Variants in TENM3 observed in about 807,000 individuals in gnomAD.
The protein encoded by TENM3 is teneurin transmembrane protein 3, also known as teneurin-3.
Under a neutral mutation model 255.1 loss-of-function variants are expected in TENM3, and 63 were observed. The ratio of observed to expected loss-of-function variants is 0.25; its 90% confidence interval spans 0.20 to 0.30. The LOEUF is 0.30. Ranked by LOEUF, TENM3 falls within the 10% of genes least tolerant of loss-of-function variation. The probability of loss-of-function intolerance (pLI) is 1.00; values close to 1 mark genes in which losing one functional copy is unlikely to be tolerated. For missense variants in TENM3, 2,929 were observed against 3,461.1 expected (o/e 0.85, Z 3.86); for synonymous variants, 1,306 against 1,322.3 (o/e 0.99, Z 0.27).
At chr4:182,133,387 T>G in the TENM3 span, among the ~76,000 whole-genome samples, 2 of 152,236 alleles carry the variant, frequency 1.3e-5, no homozygotes, top group Admixed American at 6.5e-5. Context: ...TCATTTTTTT[T>G]GATATATTTA....
rs188328080 is a variant in TENM3 at position 182,323,885 on chromosome 4, A to G, written c.-75-61A>G. ...TACCATCCCAGATTGAGAAGGGTAG[A>G]GAGTAGCCAGTTTTTAGGTGAACGT... is the stretch of plus-strand genomic sequence containing the variant. On this transcript the variant is annotated intron_variant, in intron 1 of 27. Coordinates refer to ENST00000511685, the MANE Select transcript of TENM3 (RefSeq NM_001080477.4). The G allele has an allele frequency of 2.6e-4, 176 of 680,084 alleles. 1 individual carries two copies. In the African/African-American group the frequency reaches 2.6e-3, roughly 10 times the overall value. 42.1% of individuals were successfully genotyped at this position (680,084 alleles called of 1,614,324 possible).
the TENM3 span, among the ~76,000 whole-genome samples, chr4:182,056,495 C>T: frequency 6.6e-6 from 1 of 152,276 alleles, no homozygotes; most frequent in African/African-American, 2.4e-5. Context: ...TGGTGTCCTT[C>T]TCATCTACCC....
intron 1 of TENM3, among the ~76,000 whole-genome samples, chr4:182,289,066 A>G (rs190429210): frequency 6.6e-6 from 1 of 152,082 alleles, no homozygotes; most frequent in East Asian, 1.9e-4. Flanking sequence ...CTTGGCAAAA[A>G]AAAAAATTTA....
the TENM3 span, among the ~76,000 whole-genome samples, chr4:181,805,535 T>C: frequency 1.3e-5 from 2 of 152,074 alleles, no homozygotes; most frequent in Admixed American, 1.3e-4. Context: ...GAGGTTCTGT[T>C]CAGAGTTTCT....
chr4:182,714,065 T>A, intron 12 of TENM3, 22 bp from the exon 13 acceptor site: 7 of 1,610,342 alleles, frequency 4.3e-6, no homozygotes, highest in Non-Finnish European at 5.9e-6. Context: ...ATCACTGGTG[T>A]TTTCCTTCTT....
At chr4:182,265,687 A>C (rs765745339) in intron 1 of TENM3, among the ~76,000 whole-genome samples, 4 of 152,180 alleles carry the variant, frequency 2.6e-5, no homozygotes, top group Non-Finnish European at 5.9e-5. Context: ...AACATCTTAC[A>C]ACTATTGTAA....
At chr4:181,556,892 A>G in the TENM3 span, among the ~76,000 whole-genome samples, 1 of 152,206 alleles carries the variant, frequency 6.6e-6, no homozygotes, top group African/African-American at 2.4e-5. Context: ...GTAATGAGAA[A>G]ACGTAACGGT....
chr4:182,467,467 G>A (rs1232575812), intron 3 of TENM3, among the ~76,000 whole-genome samples: 1 of 152,148 alleles, frequency 6.6e-6, no homozygotes, highest in African/African-American at 2.4e-5. Context: ...GTATTTATCT[G>A]TAAGAATGAA....
At chr4:182,782,531 G>C (rs1297067178) in intron 24 of TENM3, among the ~76,000 whole-genome samples, 1 of 96,090 alleles carries the variant, frequency 1.0e-5, no homozygotes, top group Non-Finnish European at 1.9e-5. Flanking sequence ...TGTATATTCT[G>C]TTGATTTGGG....
chr4:182,596,018 T>G (rs1269022245), intron 3 of TENM3, among the ~76,000 whole-genome samples: 1 of 152,094 alleles, frequency 6.6e-6, no homozygotes, highest in African/African-American at 2.4e-5. Context: ...AGTGGCATGG[T>G]TCCTTGCTTG....
chr4:182,247,675 T>G (rs986480937), intron 1 of TENM3, among the ~76,000 whole-genome samples: 1 of 152,204 alleles, frequency 6.6e-6, no homozygotes, highest in East Asian at 1.9e-4. Context: ...TTTACTGAAA[T>G]GACAAATAAG....
intron 1 of TENM3, among the ~76,000 whole-genome samples, chr4:182,229,370 A>G (rs901126863): frequency 2.6e-5 from 4 of 152,188 alleles, no homozygotes; most frequent in Admixed American, 6.5e-5. Context: ...TTGCTCATCT[A>G]TAAGCAGAGT....
At chr4:181,917,219 A>T in the TENM3 span, among the ~76,000 whole-genome samples, 1 of 152,218 alleles carries the variant, frequency 6.6e-6, no homozygotes, top group Non-Finnish European at 1.5e-5. Flanking sequence ...CAGAACCTAA[A>T]GGGTAAACTG....
chr4:181,645,047 C>A, the TENM3 span, among the ~76,000 whole-genome samples: 1 of 152,114 alleles, frequency 6.6e-6, no homozygotes, highest in Non-Finnish European at 1.5e-5. Context: ...TAAATGAGGA[C>A]AATTTTGTAG....
intron 3 of TENM3, among the ~76,000 whole-genome samples, chr4:182,595,551 T>C (rs1233270802): frequency 6.6e-6 from 1 of 152,146 alleles, no homozygotes; most frequent in East Asian, 1.9e-4. Context: ...CATCTGATAT[T>C]AATTTCATTC....
intron 24 of TENM3, among the ~76,000 whole-genome samples, chr4:182,784,951 G>A (rs899454169): frequency 2.0e-5 from 3 of 152,128 alleles, no homozygotes; most frequent in African/African-American, 7.2e-5. Flanking sequence ...TGCGCCCACT[G>A]TCTGGCACTC....
intron 1 of TENM3, among the ~76,000 whole-genome samples, chr4:182,257,461 C>A (rs1181847578): frequency 7.2e-5 from 11 of 152,106 alleles, no homozygotes; most frequent in Non-Finnish European, 1.5e-4. Flanking sequence ...GTTACTGTCT[C>A]TAAAACAATT....
chr4:182,744,931 CTT>C (rs1003462821), intron 19 of TENM3, among the ~76,000 whole-genome samples: 4 of 151,778 alleles, frequency 2.6e-5, no homozygotes, highest in African/African-American at 7.3e-5. Context: ...GATTGAAAAA[CTT>C]TGCTCGGGAT....
the TENM3 span, among the ~76,000 whole-genome samples, chr4:182,029,083 A>G: frequency 6.6e-6 from 1 of 152,154 alleles, no homozygotes; most frequent in African/African-American, 2.4e-5. Context: ...TGCAATATGT[A>G]CAGGAAGCAA....
Sources: gnomAD v4.1 joint callset for allele counts (sites outside exome capture counted in the v4.1 genomes callset) on GRCh38, gnomAD v4.1.1 for gene constraint, MANE v1.5 for transcripts, NCBI Gene and HGNC (gene_info 2026-07-23, HGNC 2026-07-21) for gene names.